KLHL1: variants seen among roughly 807,000 people sequenced by gnomAD.
KLHL1 encodes the protein kelch-like protein 1.
A neutral mutation model predicts 77.7 loss-of-function variants in KLHL1; 47 were observed. That is an observed-to-expected ratio of 0.60 (90% CI 0.48 to 0.77). The LOEUF is 0.77. KLHL1 is among the 30% of genes least tolerant of loss of function. The pLI is 0.00. For missense variants in KLHL1, 925 were observed against 910.8 expected, an observed-to-expected ratio of 1.02 and a Z score of -0.20; for synonymous variants, 360 against 325.2, an observed-to-expected ratio of 1.11 and a Z score of -1.15.
chr13:69,912,644 C>A (rs533338292), intron 4 of KLHL1, among the ~76,000 whole-genome samples: 1 of 152,186 alleles, frequency 6.6e-6, no homozygotes, highest in East Asian at 1.9e-4. Flanking sequence ...TGGGAGGTAG[C>A]AGGTGGCTGA....
At chr13:70,088,162 T>C (rs942436338) in intron 1 of KLHL1, among the ~76,000 whole-genome samples, 3 of 152,134 alleles carry the variant, frequency 2.0e-5, no homozygotes, top group African/African-American at 7.2e-5. Context: ...TCTGCTGATT[T>C]TTTTCCAGCT....
intron 7 of KLHL1, among the ~76,000 whole-genome samples, chr13:69,774,245 T>G (rs1292038944): frequency 6.6e-6 from 1 of 151,932 alleles, no homozygotes; most frequent in African/African-American, 2.4e-5. Context: ...CAAATAGAGT[T>G]CAAGATGAAA....
intron 6 of KLHL1, among the ~76,000 whole-genome samples, chr13:69,823,030 T>C (rs1878400269): frequency 6.6e-6 from 1 of 152,182 alleles, no homozygotes; most frequent in Admixed American, 6.5e-5. Context: ...AGAGCTTGCA[T>C]TTTAACTGTA....
intron 9 of KLHL1, among the ~76,000 whole-genome samples, chr13:69,715,954 C>A (rs532778485): frequency 1.3e-5 from 2 of 152,082 alleles, no homozygotes; most frequent in South Asian, 2.1e-4. Context: ...TCTTGAGGCC[C>A]TATCTATCTC....
At chr13:69,788,404 C>T (rs1876675990) in intron 7 of KLHL1, among the ~76,000 whole-genome samples, 1 of 152,034 alleles carries the variant, frequency 6.6e-6, no homozygotes, top group African/African-American at 2.4e-5. Flanking sequence ...AGCAAACTAT[C>T]ACAAGGACAA....
intron 2 of KLHL1, among the ~76,000 whole-genome samples, chr13:69,965,791 G>C (rs1884194270): frequency 6.6e-6 from 1 of 152,096 alleles, no homozygotes; most frequent in Non-Finnish European, 1.5e-5. Context: ...TTCTGAAATG[G>C]AGAAAGTGAG....
chr13:70,011,387 T>C (rs906909053), intron 1 of KLHL1, among the ~76,000 whole-genome samples: 1 of 152,216 alleles, frequency 6.6e-6, no homozygotes. Flanking sequence ...TAATACAATA[T>C]ACCTGGACCA....
intron 1 of KLHL1, among the ~76,000 whole-genome samples, chr13:70,076,875 G>A (rs1887279926): frequency 6.6e-6 from 1 of 151,892 alleles, no homozygotes; most frequent in Non-Finnish European, 1.5e-5. Context: ...TAGGAAAATA[G>A]ATTCAATATT....
At chr13:69,886,909 A>G (rs1881240786) in intron 4 of KLHL1, among the ~76,000 whole-genome samples, 1 of 152,128 alleles carries the variant, frequency 6.6e-6, no homozygotes, top group Non-Finnish European at 1.5e-5. Flanking sequence ...ATCTCTGGCT[A>G]GATTTCAATG....
intron 1 of KLHL1, among the ~76,000 whole-genome samples, chr13:69,991,626 A>G (rs1455431581): frequency 6.6e-6 from 1 of 151,934 alleles, no homozygotes; most frequent in Non-Finnish European, 1.5e-5. Flanking sequence ...ATCCCTGAAC[A>G]GACCAATAAT....
At position 70,030,186 on chromosome 13, in the gene KLHL1, G is replaced by A. The variant is rs868351437; in HGVS notation, c.498-54384C>T. ...CACTGTCAACATTAGACAGATCAAC[G>A]AGACAGAAAGTTAGCAAGGATGTCC... On this transcript the variant is annotated intron_variant, in intron 1 of 10. Coordinates refer to ENST00000377844, the MANE Select transcript of KLHL1 (RefSeq NM_020866.3). 3.3e-5 allele frequency among the ~76,000 whole-genome samples: 5 copies of A among 152,108 alleles called. 1 individual carries two copies. Among genetic ancestry groups the A allele is most frequent in the African/African-American group, 1.2e-4 (5 of 41,500 alleles).
chr13:69,793,641 A>G (rs912479516), intron 7 of KLHL1, among the ~76,000 whole-genome samples: 1 of 152,048 alleles, frequency 6.6e-6, no homozygotes, highest in African/African-American at 2.4e-5. Flanking sequence ...TATATATTCA[A>G]TTTTATAAAA....
intron 3 of KLHL1, among the ~76,000 whole-genome samples, chr13:69,948,918 G>A (rs1045409917): frequency 1.3e-5 from 2 of 151,862 alleles, no homozygotes; most frequent in Admixed American, 1.3e-4. Context: ...TCATCATTCT[G>A]TTAAATTGAA....
At chr13:69,852,856 A>T (rs529992978) in intron 5 of KLHL1, among the ~76,000 whole-genome samples, 21 of 152,128 alleles carry the variant, frequency 1.4e-4, no homozygotes, top group African/African-American at 4.8e-4. Context: ...ACTGAGAAAA[A>T]ACTTCAGGAA....
At chr13:69,883,162 C>T (rs559766539) in intron 4 of KLHL1, among the ~76,000 whole-genome samples, 1 of 152,152 alleles carries the variant, frequency 6.6e-6, no homozygotes, top group Non-Finnish European at 1.5e-5. Context: ...ATCATGATGA[C>T]AGAATAATAT....
chr13:69,868,307 T>A (rs1055256760), intron 5 of KLHL1, among the ~76,000 whole-genome samples: 3 of 152,026 alleles, frequency 2.0e-5, no homozygotes, highest in African/African-American at 7.2e-5. Flanking sequence ...ACAACATATA[T>A]TTAAAAGGTA....
At chr13:69,968,641 T>A (rs1227209117) in intron 2 of KLHL1, among the ~76,000 whole-genome samples, 1 of 152,060 alleles carries the variant, frequency 6.6e-6, no homozygotes, top group Non-Finnish European at 1.5e-5. Context: ...TATGTATGTG[T>A]GCATGTCTGT....
At chr13:69,714,838 C>T (rs558877633) in intron 9 of KLHL1, among the ~76,000 whole-genome samples, 5 of 152,182 alleles carry the variant, frequency 3.3e-5, no homozygotes, top group African/African-American at 1.2e-4. Context: ...AAGCAATCCA[C>T]AGTTCTCAGC....
chr13:69,735,201 A>C (rs1170340635), intron 8 of KLHL1, among the ~76,000 whole-genome samples: 1 of 151,864 alleles, frequency 6.6e-6, no homozygotes. Context: ...AATTTCCACT[A>C]TGGAAGCTAC....
Sources: allele counts gnomAD v4.1 joint callset (sites outside exome capture counted in the v4.1 genomes callset), GRCh38; gene constraint gnomAD v4.1.1; transcripts MANE v1.5; gene names NCBI Gene and HGNC (gene_info 2026-07-23, HGNC 2026-07-21).